Variants in CORO2B observed in about 807,000 individuals in gnomAD.
CORO2B encodes the protein coronin 2B, also known as coronin-2B.
A neutral mutation model predicts 58.8 loss-of-function variants in CORO2B; 26 were observed. The observed-to-expected ratio is 0.44, with a 90% CI of 0.32 to 0.61. CORO2B has a LOEUF of 0.61. Ranked by LOEUF, CORO2B falls within the 20% of genes least tolerant of loss-of-function variation. The probability of loss-of-function intolerance (pLI) is 0.04; values close to 1 mark genes in which losing one functional copy is unlikely to be tolerated. For synonymous variants in CORO2B, 242 were observed against 253.8 expected (o/e 0.95, Z 0.44); for missense variants, 460 against 645.1 (o/e 0.71, Z 3.11).
At chr15:68,537,496 A>AT in the CORO2B span, among the ~76,000 whole-genome samples, 7 of 152,040 alleles carry the variant, frequency 4.6e-5, no homozygotes, top group South Asian at 2.1e-4. Context: ...CTTTTTGCTA[A>AT]TTTTTTTTAA....
At chr15:68,680,447 A>G (rs1567006700) in intron 2 of CORO2B, among the ~76,000 whole-genome samples, 1 of 152,206 alleles carries the variant, frequency 6.6e-6, no homozygotes, top group Non-Finnish European at 1.5e-5. Flanking sequence ...GGACAGTGTC[A>G]TGGTTAGGCC....
intron 2 of CORO2B, among the ~76,000 whole-genome samples, chr15:68,654,539 C>T (rs1269498751): frequency 3.3e-5 from 5 of 152,212 alleles, no homozygotes; most frequent in Admixed American, 6.5e-5. Context: ...TACCCATTTT[C>T]CTTCTAGGGC....
chr15:68,611,411 C>T (rs1292470738), intron 1 of CORO2B, among the ~76,000 whole-genome samples: 1 of 152,112 alleles, frequency 6.6e-6, no homozygotes, highest in Admixed American at 6.6e-5. Flanking sequence ...TTTTTTTCCC[C>T]TATGACTGTA....
At chr15:68,549,953 A>AAAATAAAATAAATAAATAAAT in the CORO2B span, among the ~76,000 whole-genome samples, 3 of 144,572 alleles carry the variant, frequency 2.1e-5, no homozygotes, top group African/African-American at 5.1e-5. Context: ...AAAATAAAAT[A>AAAATAAAATAAATAAATAAAT]AAATAAATAA....
intron 1 of CORO2B, among the ~76,000 whole-genome samples, chr15:68,636,387 A>G (rs1276849657): frequency 3.3e-5 from 5 of 152,218 alleles, no homozygotes; most frequent in African/African-American, 1.2e-4. Context: ...GGCCTGGTAT[A>G]GAATAGACCG....
At chr15:68,588,494 A>G (rs1899622745) in intron 1 of CORO2B, among the ~76,000 whole-genome samples, 1 of 152,222 alleles carries the variant, frequency 6.6e-6, no homozygotes, top group Non-Finnish European at 1.5e-5. Flanking sequence ...GGCTCTCTGT[A>G]GATCAGAGCT....
At chr15:68,686,027 T>G (rs1324852572) in intron 2 of CORO2B, among the ~76,000 whole-genome samples, 2 of 150,698 alleles carry the variant, frequency 1.3e-5, no homozygotes, top group African/African-American at 2.4e-5. Context: ...TCTGTTTTTT[T>G]TTTTTTTTTT....
chr15:68,705,093 A>T (rs1388872865), intron 3 of CORO2B, among the ~76,000 whole-genome samples: 2 of 152,172 alleles, frequency 1.3e-5, no homozygotes, highest in East Asian at 3.9e-4. Context: ...TGTTTGCTAT[A>T]GCCATGGGTC....
chr15:68,531,981 T>C, the CORO2B span, among the ~76,000 whole-genome samples: 1 of 152,106 alleles, frequency 6.6e-6, no homozygotes, highest in Non-Finnish European at 1.5e-5. Flanking sequence ...ACCTTAAAAA[T>C]GTCTTTCATT....
the CORO2B span, among the ~76,000 whole-genome samples, chr15:68,553,975 AGGAG>A: frequency 6.6e-6 from 1 of 152,232 alleles, no homozygotes; most frequent in Admixed American, 6.5e-5. Flanking sequence ...TAGTTTTGAA[AGGAG>A]GAAGGATTAC....
the CORO2B span, among the ~76,000 whole-genome samples, chr15:68,568,302 C>T: frequency 6.7e-6 from 1 of 149,162 alleles, no homozygotes; most frequent in East Asian, 2.1e-4. Context: ...TTCATTTTCT[C>T]ATCTGTAAAG....
chr15:68,603,810 A>G (rs1900041049), intron 1 of CORO2B, among the ~76,000 whole-genome samples: 2 of 152,148 alleles, frequency 1.3e-5, no homozygotes, highest in Non-Finnish European at 2.9e-5. Flanking sequence ...CGAAATAAAT[A>G]TCTGTTGTTT....
At chr15:68,641,665 C>A (rs1183301750) in intron 1 of CORO2B, 54 of 841,498 alleles carry the variant, frequency 6.4e-5, no homozygotes, top group Non-Finnish European at 6.3e-5. Flanking sequence ...ATATGACAGG[C>A]AGCTTGGCAC....
intron 1 of CORO2B, among the ~76,000 whole-genome samples, chr15:68,636,863 A>C (rs1473472960): frequency 6.6e-6 from 1 of 152,234 alleles, no homozygotes; most frequent in Non-Finnish European, 1.5e-5. Flanking sequence ...CACTGCAGTG[A>C]TGGAAATGCT....
intron 2 of CORO2B, among the ~76,000 whole-genome samples, chr15:68,653,995 T>C (rs1050201195): frequency 1.3e-5 from 2 of 152,246 alleles, no homozygotes; most frequent in Non-Finnish European, 2.9e-5. Context: ...TCAAGCTGCC[T>C]TCCGCTTGGT....
At chr15:68,702,821 C>CTTTTTTTTTTTTTTTTTTTTTT (rs113249272) in intron 3 of CORO2B, among the ~76,000 whole-genome samples, 11 of 96,256 alleles carry the variant, frequency 1.1e-4, no homozygotes, top group South Asian at 3.4e-4. Context: ...TTTTCTTTTT[C>CTTTTTTTTTTTTTTTTTTTTTT]TTTTTTTTTT....
chr15:68,549,054 TCTTCCTTC>T, the CORO2B span, among the ~76,000 whole-genome samples: 22 of 110,464 alleles, frequency 2.0e-4, 1 homozygote, highest in Non-Finnish European at 2.3e-5. Flanking sequence ...ATACTCCTCT[TCTTCCTTC>T]CTTTCTACAA....
the CORO2B span, among the ~76,000 whole-genome samples, chr15:68,555,923 C>T: frequency 1.3e-5 from 2 of 152,220 alleles, no homozygotes; most frequent in African/African-American, 4.8e-5. Context: ...TGGCCCCTCC[C>T]TCTGTGTGAT....
chr15:68,593,664 T>G (rs984134285), intron 1 of CORO2B, among the ~76,000 whole-genome samples: 1 of 151,968 alleles, frequency 6.6e-6, no homozygotes, highest in Non-Finnish European at 1.5e-5. Context: ...TGGGTTTGTT[T>G]TTTTTTTTGC....
Sources: gnomAD v4.1 joint callset for allele counts (sites outside exome capture counted in the v4.1 genomes callset) on GRCh38, gnomAD v4.1.1 for gene constraint, MANE v1.5 for transcripts, NCBI Gene and HGNC (gene_info 2026-07-23, HGNC 2026-07-21) for gene names.